WWP2: variants seen among roughly 807,000 people sequenced by gnomAD.
WWP2 encodes WW domain containing E3 ubiquitin protein ligase 2.
In WWP2, 57 loss-of-function variants were observed where a neutral mutation model predicts 121.0. The observed-to-expected ratio is 0.47, with a 90% CI of 0.38 to 0.59. The LOEUF is 0.59. WWP2 is among the 20% of genes least tolerant of loss of function. The probability of loss-of-function intolerance (pLI) is 0.00; values close to 1 mark genes in which losing one functional copy is unlikely to be tolerated. For missense variants in WWP2, 962 were observed against 1,158.9 expected (o/e 0.83, Z 2.47); for synonymous variants, 449 against 441.3 (o/e 1.02, Z -0.22).
At position 69,937,187 on chromosome 16, in the gene WWP2, C is replaced by T. The variant is rs144693307; in HGVS notation, c.2187C>T (p.Asn729=). ...EQTKAFLDGF[N]EVAPLEWLRY... ...CCAAAGCCTTCCTGGATGGCTTCAA[C>T]GAGGTGGCCCCGCTGGAGTGGCTGC... is the stretch of plus-strand genomic sequence containing the variant. The change falls in exon 20 of 24, where the codon AAC becomes AAT. Residue 729 remains asparagine (N), a synonymous_variant. Transcript: ENST00000359154. The surrounding 1 kb of genome is among the most constrained non-coding windows in gnomAD (Gnocchi z 6.6). 2.1e-5 allele frequency: 34 copies of T among 1,613,916 alleles called. No homozygotes were observed. The highest frequency in any genetic ancestry group is 1.6e-4 in the Middle Eastern group (1 of 6,062).
chr16:69,781,203 T>C (rs1261943305), intron 1 of WWP2, among the ~76,000 whole-genome samples: 2 of 148,406 alleles, frequency 1.3e-5, no homozygotes, highest in South Asian at 2.1e-4. Flanking sequence ...AGGAGGCCTG[T>C]GTGGCAGTAA....
chr16:69,861,390 T>C (rs1280630133), intron 6 of WWP2, among the ~76,000 whole-genome samples: 3 of 152,168 alleles, frequency 2.0e-5, no homozygotes, highest in Non-Finnish European at 4.4e-5. Context: ...TCTAATGAAA[T>C]TGCCACCTTT....
At chr16:69,867,606 A>T (rs142303521) in intron 6 of WWP2, among the ~76,000 whole-genome samples, 1 of 152,286 alleles carries the variant, frequency 6.6e-6, no homozygotes, top group Non-Finnish European at 1.5e-5. Flanking sequence ...TCTGTGTCAG[A>T]ACCACTTTGG....
intron 4 of WWP2, among the ~76,000 whole-genome samples, chr16:69,834,932 C>G (rs962047593): frequency 1.3e-5 from 2 of 152,036 alleles, no homozygotes; most frequent in Non-Finnish European, 2.9e-5. Flanking sequence ...AATGTAAATG[C>G]TCTAGGAGCA....
At chr16:69,915,062 C>T (rs537468711) in intron 9 of WWP2, among the ~76,000 whole-genome samples, 2 of 152,276 alleles carry the variant, frequency 1.3e-5, no homozygotes, top group South Asian at 2.1e-4. Flanking sequence ...GAGATGGACA[C>T]ACAACTGTCC....
chr16:69,859,903 G>A (rs2057385833), intron 6 of WWP2, among the ~76,000 whole-genome samples: 1 of 146,458 alleles, frequency 6.8e-6, no homozygotes, highest in South Asian at 2.3e-4. Context: ...CTTTCTTAAG[G>A]TCTGCTGTGG....
chr16:69,878,817 A>T (rs2057777552), intron 7 of WWP2, among the ~76,000 whole-genome samples: 1 of 152,226 alleles, frequency 6.6e-6, no homozygotes, highest in African/African-American at 2.4e-5. Context: ...ATACCTGTAT[A>T]TAGCTTTGTT....
At chr16:69,794,714 C>T (rs368159832) in intron 2 of WWP2, among the ~76,000 whole-genome samples, 19 of 152,262 alleles carry the variant, frequency 1.2e-4, no homozygotes, top group African/African-American at 4.3e-4. Context: ...TTCTTTAAAA[C>T]AGCTGGTGGA....
chr16:69,798,882 G>A, intron 3 of WWP2, 53 bp downstream of exon 3: 2 of 1,600,634 alleles, frequency 1.2e-6, no homozygotes, highest in Non-Finnish European at 1.7e-6. Flanking sequence ...AAGAGAGAGG[G>A]TGCTCCGAGG....
At chr16:69,789,720 A>G (rs2055868645) in intron 2 of WWP2, among the ~76,000 whole-genome samples, 1 of 152,186 alleles carries the variant, frequency 6.6e-6, no homozygotes, top group East Asian at 1.9e-4. Context: ...CTACATCTTT[A>G]CCAGCACAAT....
chr16:69,849,733 A>G (rs990218723), intron 6 of WWP2, among the ~76,000 whole-genome samples: 5 of 152,010 alleles, frequency 3.3e-5, no homozygotes, highest in African/African-American at 1.2e-4. Context: ...GCTTGAGGCC[A>G]GGAGTTTGAG....
intron 4 of WWP2, among the ~76,000 whole-genome samples, chr16:69,807,973 A>C (rs1378010056): frequency 1.3e-5 from 2 of 152,146 alleles, no homozygotes; most frequent in African/African-American, 2.4e-5. Context: ...CAAACAAAAC[A>C]AAAAACATTC....
chr16:69,898,661 TTATATA>T (rs1229956943), intron 8 of WWP2, among the ~76,000 whole-genome samples: 1 of 152,174 alleles, frequency 6.6e-6, no homozygotes, highest in African/African-American at 2.4e-5. Context: ...TTATTTGTCT[TTATATA>T]TATTTATTTT....
intron 4 of WWP2, among the ~76,000 whole-genome samples, chr16:69,818,769 C>T (rs1253098539): frequency 1.3e-5 from 2 of 152,146 alleles, no homozygotes; most frequent in Admixed American, 1.3e-4. Context: ...TCGTTTTTCT[C>T]TTCCCCAGTC....
At chr16:69,924,704 A>AC (rs1170662586) in intron 10 of WWP2, among the ~76,000 whole-genome samples, 1,043 of 27,838 alleles carry the variant, frequency 0.037, 5 homozygotes, top group Middle Eastern at 0.062. Context: ...AACACCCCCC[A>AC]CCCCCCCCAC....
intron 4 of WWP2, among the ~76,000 whole-genome samples, chr16:69,805,195 A>G (rs928636585): frequency 4.0e-5 from 6 of 151,806 alleles, no homozygotes; most frequent in African/African-American, 1.5e-4. Context: ...GCCCAACACC[A>G]TGCCTAATTT....
intron 1 of WWP2, among the ~76,000 whole-genome samples, chr16:69,785,726 A>G (rs113351541): frequency 0.27 from 39,985 of 150,762 alleles, 5,777 homozygotes; most frequent in East Asian, 0.4. Flanking sequence ...TCCCGAGTTC[A>G]AGCGATTCTC....
At chr16:69,848,161 C>T (rs993133708) in intron 6 of WWP2, among the ~76,000 whole-genome samples, 8 of 152,190 alleles carry the variant, frequency 5.3e-5, no homozygotes, top group African/African-American at 1.9e-4. Flanking sequence ...AAGCTGTCAG[C>T]TGGGCGCAGT....
chr16:69,931,603 C>G (rs745788396), intron 15 of WWP2, 23 bp downstream of exon 15: 1 of 1,613,960 alleles, frequency 6.2e-7, no homozygotes, highest in Non-Finnish European at 8.5e-7. Flanking sequence ...TGCCCGAAAC[C>G]AGTGGCAGGC....
Sources: gnomAD v4.1 joint callset for allele counts (sites outside exome capture counted in the v4.1 genomes callset) on GRCh38, gnomAD v4.1.1 for gene constraint, Gnocchi (gnomAD v3.1) non-coding constraint, MANE v1.5 for transcripts, NCBI Gene and HGNC (gene_info 2026-07-23, HGNC 2026-07-21) for gene names.